PBX1: variants seen among roughly 807,000 people sequenced by gnomAD.
PBX1 encodes the protein pre-B-cell leukemia transcription factor 1.
A neutral mutation model predicts 53.4 loss-of-function variants in PBX1; 6 were observed. The observed-to-expected ratio is 0.11, with a 90% CI of 0.06 to 0.22. PBX1 has a LOEUF of 0.22. Ranked by LOEUF, PBX1 falls within the 10% of genes least tolerant of loss-of-function variation. PBX1 has a pLI of 1.00. For missense variants in PBX1, 251 were observed against 551.4 expected, an observed-to-expected ratio of 0.46 and a Z score of 5.46; for synonymous variants, 204 against 212.3, an observed-to-expected ratio of 0.96 and a Z score of 0.34.
intron 2 of PBX1, among the ~76,000 whole-genome samples, chr1:164,575,029 A>G (rs1412421860): frequency 6.6e-6 from 1 of 152,050 alleles, no homozygotes; most frequent in African/African-American, 2.4e-5. Context: ...GGCCAGTTGG[A>G]GGCCAATCCC....
intron 8 of PBX1, among the ~76,000 whole-genome samples, chr1:164,837,423 C>T (rs1018190296): frequency 6.6e-5 from 10 of 152,130 alleles, no homozygotes; most frequent in African/African-American, 2.4e-4. Flanking sequence ...TGTAGCTACT[C>T]TTTTCTAGTG....
chr1:164,688,356 C>T (rs1455067246), intron 2 of PBX1, among the ~76,000 whole-genome samples: 2 of 152,144 alleles, frequency 1.3e-5, no homozygotes, highest in Non-Finnish European at 2.9e-5. Flanking sequence ...TCAATTACAA[C>T]TTGAAGGAGA....
intron 3 of PBX1, among the ~76,000 whole-genome samples, chr1:164,798,880 A>G (rs1327539321): frequency 3.3e-5 from 5 of 152,252 alleles, no homozygotes; most frequent in Non-Finnish European, 7.3e-5. Flanking sequence ...AACTTGAAAC[A>G]GAAATAGGTG....
At chr1:164,667,278 A>G (rs779648175) in intron 2 of PBX1, among the ~76,000 whole-genome samples, 9 of 152,144 alleles carry the variant, frequency 5.9e-5, no homozygotes, top group Non-Finnish European at 8.8e-5. Flanking sequence ...GTAAAAAACA[A>G]TGCAAGGACC....
At chr1:164,705,084 A>T (rs552509512) in intron 2 of PBX1, among the ~76,000 whole-genome samples, 35 of 152,240 alleles carry the variant, frequency 2.3e-4, no homozygotes, top group African/African-American at 8.4e-4. Flanking sequence ...AGGCCAGATG[A>T]TCCTTCATTA....
At chr1:164,717,510 C>T (rs74118001) in intron 2 of PBX1, among the ~76,000 whole-genome samples, 3,366 of 152,194 alleles carry the variant, frequency 0.022, 145 homozygotes, top group African/African-American at 0.078. Context: ...ATAAATAATG[C>T]AGCTAAAAAT....
intron 1 of PBX1, among the ~76,000 whole-genome samples, chr1:164,561,970 C>T (rs974157470): frequency 6.6e-6 from 1 of 151,418 alleles, no homozygotes; most frequent in Non-Finnish European, 1.5e-5. Flanking sequence ...TTCTACCCCA[C>T]ATGAGAACTT....
chr1:164,842,605 T>C (rs1671357181), intron 8 of PBX1, among the ~76,000 whole-genome samples: 1 of 152,206 alleles, frequency 6.6e-6, no homozygotes. Context: ...TTAGGCTTCA[T>C]CTGGTAGAAT....
At chr1:164,853,680 G>A (rs1402009920), downstream of PBX1, among the ~76,000 whole-genome samples, 1 of 152,126 alleles carries the variant, frequency 6.6e-6, no homozygotes, top group South Asian at 2.1e-4. Context: ...TGGTCATTAG[G>A]AAGGGAGAGC....
chr1:164,652,476 A>C (rs1450566456), intron 2 of PBX1, among the ~76,000 whole-genome samples: 2 of 152,152 alleles, frequency 1.3e-5, no homozygotes, highest in Non-Finnish European at 2.9e-5. Flanking sequence ...ATGACCATTA[A>C]TAGATTCTTC....
chr1:164,583,093 G>C (rs981614024), intron 2 of PBX1, among the ~76,000 whole-genome samples: 6 of 152,196 alleles, frequency 3.9e-5, no homozygotes, highest in Non-Finnish European at 7.3e-5. Context: ...TGTCCTTGAG[G>C]AAGGTATGAT....
At chr1:164,808,921 C>T (rs543159118) in intron 5 of PBX1, among the ~76,000 whole-genome samples, 1 of 152,310 alleles carries the variant, frequency 6.6e-6, no homozygotes, top group Admixed American at 6.5e-5. Context: ...TTAGTCTTGA[C>T]AGTTCTGGGA....
Position 164,850,190 on chromosome 1 carries a change from C to G in PBX1, c.*3514C>G, listed in dbSNP as rs575553123. On this transcript the variant is annotated 3_prime_UTR_variant, in exon 9 of 9. Transcript: ENST00000420696. ...ATCATTCCTGCATTAGTTTTTAACACCAGACTACCTACATTCATCATTTCC... is the reference window on the plus strand; with the variant it reads ...ATCATTCCTGCATTAGTTTTTAACAGCAGACTACCTACATTCATCATTTCC... 1 of 227,114 alleles carries G rather than the reference C, an allele frequency of 4.4e-6. No homozygotes were observed. Among genetic ancestry groups the G allele is most frequent in the Non-Finnish European group, 8.8e-6 (1 of 114,268 alleles). 14.1% of individuals were successfully genotyped at this position (227,114 alleles called of 1,614,324 possible). A position where few individuals can be genotyped will look rare whatever the true frequency, so the allele number is the denominator to read the frequency against.
In PBX1 at chr1:164,637,351, T is replaced by C. The variant is rs756272051; in HGVS notation, c.265+74040T>C. ...TTAAAAAGTTGGACCAAAGTAAAAC[T>C]GAGAGAAAAAATGGATTAACGTGAT... On this transcript the variant is annotated intron_variant, in intron 2 of 8. Coordinates refer to ENST00000420696, the MANE Select transcript of PBX1 (RefSeq NM_002585.4). Among the ~76,000 whole-genome samples, 11 of 152,144 alleles carry C rather than the reference T, an allele frequency of 7.2e-5. 1 individual carries two copies. Among genetic ancestry groups the C allele is most frequent in the South Asian group, 4.1e-4 (2 of 4,828 alleles).
intron 2 of PBX1, among the ~76,000 whole-genome samples, chr1:164,721,672 G>C (rs1664411815): frequency 6.6e-6 from 1 of 152,098 alleles, no homozygotes; most frequent in African/African-American, 2.4e-5. Context: ...TGTTCCACAG[G>C]TATGAATACT....
At chr1:164,856,753 C>G (rs1671985658), downstream of PBX1, among the ~76,000 whole-genome samples, 1 of 152,176 alleles carries the variant, frequency 6.6e-6, no homozygotes, top group Non-Finnish European at 1.5e-5. Flanking sequence ...CTCTGATCTT[C>G]TTGATTTTCC....
intron 2 of PBX1, chr1:164,682,747 A>T (rs1176679682): frequency 6.6e-6 from 1 of 152,162 alleles, no homozygotes; most frequent in Non-Finnish European, 1.5e-5. Context: ...GTGCTCGGGG[A>T]CATAAAACCT....
intron 2 of PBX1, among the ~76,000 whole-genome samples, chr1:164,764,190 C>A (rs1166009801): frequency 6.6e-6 from 1 of 152,144 alleles, no homozygotes; most frequent in East Asian, 1.9e-4. Flanking sequence ...AGTTCTTTGT[C>A]TTCTATATCA....
In PBX1 at chr1:164,711,870, G is replaced by A. The variant is rs544468708; in HGVS notation, c.266-80624G>A. 5.9e-5 allele frequency among the ~76,000 whole-genome samples: 9 copies of A among 152,308 alleles called. No homozygotes were observed. In the South Asian group the frequency reaches 1.2e-3, roughly 21 times the overall value. On this transcript the variant is annotated intron_variant, in intron 2 of 8. Coordinates refer to ENST00000420696, the MANE Select transcript of PBX1 (RefSeq NM_002585.4). ...CACTGAAATGTGGCCTTCACAGGCC[G>A]AGGGTCTTTAAGAAGCATGGCCGTG...
Sources: gnomAD v4.1 joint callset for allele counts (sites outside exome capture counted in the v4.1 genomes callset) on GRCh38, gnomAD v4.1.1 for gene constraint, MANE v1.5 for transcripts, NCBI Gene and HGNC (gene_info 2026-07-23, HGNC 2026-07-21) for gene names.